Variants in ANKS1B observed in about 807,000 individuals in gnomAD.
The protein encoded by ANKS1B is ankyrin repeat and sterile alpha motif domain-containing protein 1B.
In ANKS1B, 36 loss-of-function variants were observed where a neutral mutation model predicts 148.3. The observed-to-expected ratio is 0.24, with a 90% CI of 0.19 to 0.32. ANKS1B has a LOEUF of 0.32. Among genes scored for constraint, ANKS1B ranks in the 10% least tolerant of loss-of-function variants. The probability of loss-of-function intolerance (pLI) is 1.00; values close to 1 mark genes in which losing one functional copy is unlikely to be tolerated. For synonymous variants in ANKS1B, 542 were observed against 560.8 expected (o/e 0.97, Z 0.47); for missense variants, 1,157 against 1,542.6 (o/e 0.75, Z 4.19).
At position 98,831,583 on chromosome 12, in the gene ANKS1B, T is replaced by C. The variant is rs895179471; in HGVS notation, c.2886+446A>G. ...TAGATGGATATCTAAATCTCAAAAATATATATTTAACCAATCTAGAAAAAC... is the reference window on the plus strand; with the variant it reads ...TAGATGGATATCTAAATCTCAAAAACATATATTTAACCAATCTAGAAAAAC... On this transcript the variant is annotated intron_variant, in intron 18 of 26. Transcript: ENST00000683438. 16 of 154,976 alleles carry C rather than the reference T, an allele frequency of 1.0e-4. No individual in the cohort carries two copies. In the South Asian group the frequency reaches 3.0e-3, roughly 29 times the overall value. 9.6% of individuals were successfully genotyped at this position (154,976 alleles called of 1,614,324 possible). A position where few individuals can be genotyped will look rare whatever the true frequency, so the allele number is the denominator to read the frequency against.
chr12:99,970,141 G>A (rs750399624), intron 1 of ANKS1B, among the ~76,000 whole-genome samples: 2 of 152,110 alleles, frequency 1.3e-5, no homozygotes, highest in African/African-American at 4.8e-5. Context: ...GTTCTAGGGG[G>A]TTGTAAAATG....
intron 8 of ANKS1B, among the ~76,000 whole-genome samples, chr12:99,758,668 A>T (rs1195179154): frequency 6.6e-6 from 1 of 151,926 alleles, no homozygotes; most frequent in Non-Finnish European, 1.5e-5. Context: ...CTACCTATGG[A>T]GTAGAACTGG....
At chr12:99,098,349 G>A (rs1457979678) in intron 15 of ANKS1B, among the ~76,000 whole-genome samples, 1 of 152,106 alleles carries the variant, frequency 6.6e-6, no homozygotes, top group Non-Finnish European at 1.5e-5. Context: ...CAGCCCAGTC[G>A]TCTCCATGAA....
At chr12:99,215,778 T>A (rs1263583011) in intron 14 of ANKS1B, among the ~76,000 whole-genome samples, 1 of 152,200 alleles carries the variant, frequency 6.6e-6, no homozygotes, top group African/African-American at 2.4e-5. Flanking sequence ...TTGCTTTGAT[T>A]TTATGGGCTC....
intron 25 of ANKS1B, among the ~76,000 whole-genome samples, chr12:98,764,023 C>T (rs1263134059): frequency 2.6e-5 from 4 of 152,212 alleles, no homozygotes; most frequent in Admixed American, 6.5e-5. Flanking sequence ...CATGGAACCA[C>T]AGCCTAAGGT....
At chr12:99,183,509 G>T (rs1283044405) in intron 14 of ANKS1B, among the ~76,000 whole-genome samples, 1 of 152,150 alleles carries the variant, frequency 6.6e-6, no homozygotes, top group Non-Finnish European at 1.5e-5. Context: ...CAGGCGTGGT[G>T]GTGGTCGCCT....
chr12:99,433,851 C>T (rs1223724547), intron 11 of ANKS1B, among the ~76,000 whole-genome samples: 1 of 152,100 alleles, frequency 6.6e-6, no homozygotes, highest in African/African-American at 2.4e-5. Flanking sequence ...GATCAATGAA[C>T]TCCATCAGTG....
chr12:99,332,257 C>T (rs749962629), intron 12 of ANKS1B, among the ~76,000 whole-genome samples: 40 of 152,148 alleles, frequency 2.6e-4, no homozygotes, highest in Non-Finnish European at 5.6e-4. Context: ...TTCATGCGCA[C>T]ATTAAAGTTT....
intron 17 of ANKS1B, among the ~76,000 whole-genome samples, chr12:99,004,986 G>T (rs979679359): frequency 6.6e-6 from 1 of 152,114 alleles, no homozygotes; most frequent in African/African-American, 2.4e-5. Context: ...CTGTGCCCTC[G>T]CAAGGAGCAG....
chr12:99,351,766 C>T (rs1037403241), intron 12 of ANKS1B, among the ~76,000 whole-genome samples: 14 of 151,948 alleles, frequency 9.2e-5, no homozygotes, highest in Non-Finnish European at 7.4e-5. Flanking sequence ...TAGACCAGTT[C>T]TTACATTTTA....
At chr12:98,971,167 T>C (rs1314967843) in intron 17 of ANKS1B, among the ~76,000 whole-genome samples, 1 of 152,212 alleles carries the variant, frequency 6.6e-6, no homozygotes, top group Non-Finnish European at 1.5e-5. Context: ...TATTATGACA[T>C]GGTGATGTTA....
intron 12 of ANKS1B, among the ~76,000 whole-genome samples, chr12:99,257,202 C>T (rs1424440401): frequency 2.0e-5 from 3 of 152,008 alleles, no homozygotes; most frequent in African/African-American, 7.2e-5. Context: ...CGAGATGGTG[C>T]CACTGCACTC....
intron 8 of ANKS1B, among the ~76,000 whole-genome samples, chr12:99,694,354 G>A (rs1429237604): frequency 2.7e-5 from 4 of 150,862 alleles, no homozygotes; most frequent in Admixed American, 6.6e-5. Flanking sequence ...CAGAAGAATC[G>A]CTTGAACCCG....
chr12:99,566,605 A>T (rs935888891), intron 9 of ANKS1B, among the ~76,000 whole-genome samples: 1 of 152,152 alleles, frequency 6.6e-6, no homozygotes, highest in African/African-American at 2.4e-5. Flanking sequence ...GGGTTAGATA[A>T]TGTCATCAGG....
Position 99,655,170 on chromosome 12 carries a change from T to C in ANKS1B, c.1169A>G (p.Glu390Gly). The change falls in exon 9 of 27, where the codon GAA (glutamate) becomes GGA (glycine). Residue 390 changes from glutamate to glycine, a missense_variant. Coordinates refer to ENST00000683438, the MANE Select transcript of ANKS1B (RefSeq NM_001352186.2). ...CGTATTTTCATCATCATCCTCTTCT[T>C]CCACTTCTCCTGGTGACAAATTGAT... ...STINLSPGEVEEEDDDENTCG... is the reference protein window; with the variant it reads ...STINLSPGEVGEEDDDENTCG... 1.2e-6 allele frequency: 2 copies of C among 1,612,286 alleles called. No homozygotes were observed. Among genetic ancestry groups the C allele is most frequent in the Non-Finnish European group, 1.7e-6 (2 of 1,178,950 alleles).
intron 24 of ANKS1B, among the ~76,000 whole-genome samples, chr12:98,774,670 G>A (rs746547631): frequency 2.0e-5 from 3 of 152,138 alleles, no homozygotes; most frequent in Non-Finnish European, 4.4e-5. Context: ...GCAATACAGT[G>A]TTCCGTGTAC....
chr12:99,645,058 A>G (rs2098347131), intron 9 of ANKS1B, among the ~76,000 whole-genome samples: 1 of 152,236 alleles, frequency 6.6e-6, no homozygotes. Context: ...TTCCTCTGCC[A>G]CATAAGGTAA....
chr12:99,760,445 A>G (rs544634658), intron 8 of ANKS1B, among the ~76,000 whole-genome samples: 1 of 152,036 alleles, frequency 6.6e-6, no homozygotes, highest in South Asian at 2.1e-4. Context: ...TTGCTACTGA[A>G]TGAGTTTTGG....
intron 10 of ANKS1B, among the ~76,000 whole-genome samples, chr12:99,490,294 C>T (rs187421548): frequency 6.6e-6 from 1 of 152,332 alleles, no homozygotes; most frequent in East Asian, 1.9e-4. Context: ...GCACTGAGAA[C>T]TACAGTGATT....
Sources: allele counts gnomAD v4.1 joint callset (sites outside exome capture counted in the v4.1 genomes callset), GRCh38; gene constraint gnomAD v4.1.1; transcripts MANE v1.5; gene names NCBI Gene and HGNC (gene_info 2026-07-23, HGNC 2026-07-21).